Variants in TNFSF4 observed in about 807,000 individuals in gnomAD.
TNFSF4 encodes the protein tumor necrosis factor ligand superfamily member 4.
In TNFSF4, 4 loss-of-function variants were observed where a neutral mutation model predicts 7.3. That is an observed-to-expected ratio of 0.55 (90% CI 0.27 to 1.25). The LOEUF (loss-of-function observed/expected upper bound fraction) is 1.25, where lower values mean the gene tolerates loss of function less well. TNFSF4 is among the 50% of genes most tolerant of loss of function. The pLI, the probability that TNFSF4 is intolerant of heterozygous loss-of-function variation, is 0.12. For synonymous variants in TNFSF4, 76 were observed against 83.7 expected (o/e 0.91, Z 0.50); for missense variants, 181 against 208.8 (o/e 0.87, Z 0.82).
At chr1:173,406,433 A>G in the TNFSF4 span, among the ~76,000 whole-genome samples, 2 of 152,180 alleles carry the variant, frequency 1.3e-5, no homozygotes, top group African/African-American at 4.8e-5. Context: ...GGAACTCTAC[A>G]GGGAATTTGG....
chr1:173,344,415 T>C, the TNFSF4 span, among the ~76,000 whole-genome samples: 1 of 152,218 alleles, frequency 6.6e-6, no homozygotes, highest in East Asian at 1.9e-4. Context: ...GCTCTCCTCA[T>C]TTGCAAACAA....
At chr1:173,202,959 TCC>T (rs1280877715) in intron 1 of TNFSF4, among the ~76,000 whole-genome samples, 3 of 110,918 alleles carry the variant, frequency 2.7e-5, no homozygotes, top group Non-Finnish European at 7.0e-5. Context: ...GAGGCAGCCC[TCC>T]CTCCTCCCTC....
At chr1:173,244,021 C>T in the TNFSF4 span, among the ~76,000 whole-genome samples, 2 of 152,152 alleles carry the variant, frequency 1.3e-5, no homozygotes, top group Non-Finnish European at 2.9e-5. Flanking sequence ...TTTAGCAGCC[C>T]CTTCATAGCC....
chr1:173,276,436 A>T, the TNFSF4 span, among the ~76,000 whole-genome samples: 1 of 152,128 alleles, frequency 6.6e-6, no homozygotes, highest in Non-Finnish European at 1.5e-5. Context: ...AAACACTATG[A>T]TGGCAGGTCA....
chr1:173,308,844 G>C, the TNFSF4 span, among the ~76,000 whole-genome samples: 1 of 151,840 alleles, frequency 6.6e-6, no homozygotes. Context: ...AACATATGGC[G>C]TCCTCATAAG....
chr1:173,322,104 C>T, the TNFSF4 span, among the ~76,000 whole-genome samples: 1 of 152,164 alleles, frequency 6.6e-6, no homozygotes, highest in African/African-American at 2.4e-5. Flanking sequence ...GAAAATGTGG[C>T]ACATATACAC....
chr1:173,303,988 T>G, the TNFSF4 span, among the ~76,000 whole-genome samples: 1 of 151,968 alleles, frequency 6.6e-6, no homozygotes, highest in East Asian at 1.9e-4. Flanking sequence ...GATATATTGC[T>G]TTAAAAATAT....
the TNFSF4 span, among the ~76,000 whole-genome samples, chr1:173,250,634 T>A: frequency 6.6e-6 from 1 of 152,152 alleles, no homozygotes; most frequent in African/African-American, 2.4e-5. Flanking sequence ...TAAGTTTTTG[T>A]ATTTTTAGTA....
the TNFSF4 span, among the ~76,000 whole-genome samples, chr1:173,358,604 A>T: frequency 6.6e-6 from 1 of 152,242 alleles, no homozygotes; most frequent in African/African-American, 2.4e-5. Flanking sequence ...AAGCACATGT[A>T]TTAGAATTTC....
At chr1:173,232,168 A>T in the TNFSF4 span, among the ~76,000 whole-genome samples, 2 of 152,060 alleles carry the variant, frequency 1.3e-5, no homozygotes, top group African/African-American at 2.4e-5. Context: ...TAGTTCTCCT[A>T]GAAGAGGTCC....
chr1:173,264,952 AT>A, the TNFSF4 span, among the ~76,000 whole-genome samples: 1 of 152,340 alleles, frequency 6.6e-6, no homozygotes, highest in Non-Finnish European at 1.5e-5. Context: ...GTAAATTTGA[AT>A]TCAGACCATC....
At chr1:173,179,058 C>T (rs1649005566), downstream of TNFSF4, among the ~76,000 whole-genome samples, 1 of 152,218 alleles carries the variant, frequency 6.6e-6, no homozygotes, top group South Asian at 2.1e-4. Context: ...ACCAGCTCTG[C>T]TAACAACATG....
At chr1:173,323,295 G>T in the TNFSF4 span, among the ~76,000 whole-genome samples, 2 of 152,238 alleles carry the variant, frequency 1.3e-5, no homozygotes, top group African/African-American at 2.4e-5. Context: ...TGGACCTTCA[G>T]TAAACTCTAA....
At chr1:173,218,554 A>C in the TNFSF4 span, among the ~76,000 whole-genome samples, 1 of 152,040 alleles carries the variant, frequency 6.6e-6, no homozygotes, top group South Asian at 2.1e-4. Context: ...ACTATGACCC[A>C]GTCTTCCATC....
At chr1:173,404,096 T>A in the TNFSF4 span, among the ~76,000 whole-genome samples, 2 of 152,104 alleles carry the variant, frequency 1.3e-5, no homozygotes, top group East Asian at 1.9e-4. Flanking sequence ...GCACTAGACA[T>A]GGAAGCAAGA....
At chr1:173,193,002 C>G (rs140639396) in intron 1 of TNFSF4, among the ~76,000 whole-genome samples, 1 of 151,954 alleles carries the variant, frequency 6.6e-6, no homozygotes, top group Admixed American at 6.6e-5. Flanking sequence ...CTACATAATA[C>G]TATATAAACT....
chr1:173,183,636 C>T (rs1649100911), downstream of TNFSF4: 1 of 152,140 alleles, frequency 6.6e-6, no homozygotes, highest in Non-Finnish European at 1.5e-5. Context: ...AAGTAGGAAA[C>T]TGGAAAGCTT....
the TNFSF4 span, among the ~76,000 whole-genome samples, chr1:173,353,562 T>G: frequency 4.6e-5 from 7 of 152,350 alleles, no homozygotes; most frequent in South Asian, 1.2e-3. Context: ...TTGTCCTGCA[T>G]GCTGATGTGT....
rs181103178 is a variant in TNFSF4, at chr1:173,185,057, G to A, written c.*1459C>T. 1.9e-4 allele frequency: 29 copies of A among 152,310 alleles called. No homozygotes were observed. Among genetic ancestry groups the A allele is most frequent in the Non-Finnish European group, 2.9e-4 (20 of 68,032 alleles). The allele number at this position is 152,310 out of a possible 1,614,324, so 9.4% of individuals were successfully genotyped here. A position where few individuals can be genotyped will look rare whatever the true frequency, so the allele number is the denominator to read the frequency against. ...AACTGAGACCATTTAGTGTAAGGGC[G>A]AACAGCCCTCCACCTTTCTGGAGAT... On this transcript the variant is annotated 3_prime_UTR_variant, in exon 3 of 3. Transcript: ENST00000281834.
Sources: allele counts gnomAD v4.1 joint callset (sites outside exome capture counted in the v4.1 genomes callset), GRCh38; gene constraint gnomAD v4.1.1; transcripts MANE v1.5; gene names NCBI Gene and HGNC (gene_info 2026-07-23, HGNC 2026-07-21).